Variants in ARRB1 observed in about 807,000 individuals in gnomAD.
The protein encoded by ARRB1 is arrestin beta 1, also known as beta-arrestin-1.
In ARRB1, 21 loss-of-function variants were observed where a neutral mutation model predicts 56.8. The ratio of observed to expected loss-of-function variants is 0.37; its 90% CI spans 0.26 to 0.53. The LOEUF is 0.53. Ranked by LOEUF, ARRB1 falls within the 20% of genes least tolerant of loss-of-function variation. The probability of loss-of-function intolerance (pLI) is 0.88; values close to 1 mark genes in which losing one functional copy is unlikely to be tolerated. For missense variants in ARRB1, 424 were observed against 553.7 expected (o/e 0.77, Z 2.35); for synonymous variants, 210 against 218.6 (o/e 0.96, Z 0.35).
At chr11:75,349,744 G>A (rs1947819347) in intron 1 of ARRB1, among the ~76,000 whole-genome samples, 1 of 152,254 alleles carries the variant, frequency 6.6e-6, no homozygotes, top group East Asian at 1.9e-4. Flanking sequence ...TTCCTACTGA[G>A]GACAGAGGCC....
chr11:75,330,214 G>A (rs1450525854), intron 1 of ARRB1, among the ~76,000 whole-genome samples: 1 of 152,196 alleles, frequency 6.6e-6, no homozygotes, highest in Non-Finnish European at 1.5e-5. Flanking sequence ...CAGACAAATT[G>A]CTGAACTTAG....
rs143318077 is a variant in ARRB1 at position 75,283,963 on chromosome 11, AAAG to A, written c.157+269_157+271del. On this transcript the variant is annotated intron_variant, in intron 4 of 15. Coordinates refer to ENST00000420843, the MANE Select transcript of ARRB1 (RefSeq NM_004041.5). ...CCCGGTATCAATGTTCTGTTCTGTTAAAGAAGAACCTACTCCTACCCTGCTGGC... is the reference window on the plus strand; with the variant it reads ...CCCGGTATCAATGTTCTGTTCTGTTAAAGAACCTACTCCTACCCTGCTGGC... Among the ~76,000 whole-genome samples the A allele has an allele frequency of 9.4e-3, 1,438 of 152,246 alleles. 13 individuals carry two copies. The highest frequency in any genetic ancestry group is 0.033 in the African/African-American group (1,372 of 41,518).
In ARRB1 at chr11:75,345,054, A is replaced by G. The variant is rs532403962; in HGVS notation, c.20+6534T>C. On this transcript the variant is annotated intron_variant, in intron 1 of 15. Coordinates refer to ENST00000420843, the MANE Select transcript of ARRB1 (RefSeq NM_004041.5). Reference sequence around the variant, plus strand: ...GACCAGCAGATCCCTCTCCAGGTGCAGGGAGGCAGAAGCTCAACTGTGGCC... The same window carrying G: ...GACCAGCAGATCCCTCTCCAGGTGCGGGGAGGCAGAAGCTCAACTGTGGCC... 4.6e-5 allele frequency among the ~76,000 whole-genome samples: 7 copies of G among 152,306 alleles called. 1 individual carries two copies. Among genetic ancestry groups the G allele is most frequent in the African/African-American group, 1.4e-4 (6 of 41,570 alleles).
intron 1 of ARRB1, among the ~76,000 whole-genome samples, chr11:75,321,282 T>TC (rs1947346531): frequency 4.9e-5 from 1 of 20,206 alleles, no homozygotes. Context: ...CCCACCACCA[T>TC]CCCCCCACCT....
In ARRB1 at chr11:75,284,357, C is replaced by A. The variant is rs1217768943; in HGVS notation, c.113-78G>T. On this transcript the variant is annotated intron_variant, in intron 3 of 15. Transcript: ENST00000420843. ...TCTGTGCCCCAAACACCAGCCCAAG[C>A]CCAGATCCAACCATCTGTTCATCTA... 5 of 1,397,320 alleles carry A rather than the reference C, an allele frequency of 3.6e-6. No individual in the cohort carries two copies. In the East Asian group the frequency reaches 7.1e-5, roughly 20 times the overall value. 86.6% of individuals were successfully genotyped at this position (1,397,320 alleles called of 1,614,324 possible). A position where few individuals can be genotyped will look rare whatever the true frequency, so the allele number is the denominator to read the frequency against.
chr11:75,263,035 C>T lies in ARRB1; in HGVS notation c.*3128G>A, dbSNP rs766725470. On this transcript the variant is annotated 3_prime_UTR_variant, in exon 16 of 16. Transcript: ENST00000420843. Reference sequence around the variant, plus strand: ...GCATGCTTTTCCTTCCTGCCCGGACCGGTGTCCACACGCCACCCACAGGGC... The same window carrying T: ...GCATGCTTTTCCTTCCTGCCCGGACTGGTGTCCACACGCCACCCACAGGGC... Among the ~76,000 whole-genome samples, 1 of 152,228 alleles carries T rather than the reference C, an allele frequency of 6.6e-6. No homozygotes were observed. Among genetic ancestry groups the T allele is most frequent in the Non-Finnish European group, 1.5e-5 (1 of 68,038 alleles).
intron 13 of ARRB1, among the ~76,000 whole-genome samples, chr11:75,270,157 G>A (rs1946044065): frequency 2.0e-5 from 3 of 152,262 alleles, no homozygotes; most frequent in Admixed American, 2.0e-4. Flanking sequence ...GGAACTTCTG[G>A]GAGATGAGGC....
intron 1 of ARRB1, among the ~76,000 whole-genome samples, chr11:75,290,533 G>A (rs1946584883): frequency 6.6e-6 from 1 of 151,712 alleles, no homozygotes; most frequent in Non-Finnish European, 1.5e-5. Flanking sequence ...CTGTGCCTCC[G>A]GGGCCTGAAG....
intron 1 of ARRB1, among the ~76,000 whole-genome samples, chr11:75,308,348 G>A (rs1591958830): frequency 6.6e-6 from 1 of 152,288 alleles, no homozygotes; most frequent in Non-Finnish European, 1.5e-5. Context: ...CATGACCAAG[G>A]CCCAAGCGAG....
chr11:75,288,875 G>T (rs1435120111), intron 2 of ARRB1, among the ~76,000 whole-genome samples: 3 of 152,186 alleles, frequency 2.0e-5, no homozygotes, highest in Non-Finnish European at 4.4e-5. Flanking sequence ...TTATAGGCGT[G>T]AGCCACTGTG....
At chr11:75,271,896 G>A (rs956007709) in intron 12 of ARRB1, among the ~76,000 whole-genome samples, 172 bp from the exon 13 acceptor site, 31 of 148,008 alleles carry the variant, frequency 2.1e-4, no homozygotes, top group Admixed American at 2.0e-3. Flanking sequence ...GGGATACACC[G>A]AAATGGCATT....
At chr11:75,318,902 C>A (rs146293962) in intron 1 of ARRB1, among the ~76,000 whole-genome samples, 1,888 of 152,166 alleles carry the variant, frequency 0.012, 23 homozygotes, top group South Asian at 0.029. Flanking sequence ...AAATGGCCAG[C>A]CCTACTAAGA....
chr11:75,294,617 A>AT (rs55918409), intron 1 of ARRB1, among the ~76,000 whole-genome samples: 134,441 of 150,688 alleles, frequency 0.89, 60,393 homozygotes, highest in East Asian at 0.94. Flanking sequence ...AACTTAAAAT[A>AT]TTTTTTTAAT....
chr11:75,295,757 C>T (rs1946726885), intron 1 of ARRB1, among the ~76,000 whole-genome samples: 1 of 152,170 alleles, frequency 6.6e-6, no homozygotes, highest in Non-Finnish European at 1.5e-5. Flanking sequence ...GATGAGAAAG[C>T]CTCCATCAAC....
At chr11:75,328,021 C>T (rs1257466014) in intron 1 of ARRB1, among the ~76,000 whole-genome samples, 8 of 152,148 alleles carry the variant, frequency 5.3e-5, no homozygotes, top group African/African-American at 1.7e-4. Flanking sequence ...TGTGCAAAAC[C>T]GCCACTTCTA....
At chr11:75,269,230 G>C (rs562403357) in intron 13 of ARRB1, 38 of 684,630 alleles carry the variant, frequency 5.6e-5, no homozygotes, top group African/African-American at 4.4e-4. Context: ...AAGAGGCCCA[G>C]GGGTGGGAAA....
Position 75,284,295 on chromosome 11 carries a change from A to T in ARRB1, c.113-16T>A. 1 of 1,605,702 alleles carries T rather than the reference A, an allele frequency of 6.2e-7. No individual in the cohort carries two copies. Among genetic ancestry groups the T allele is most frequent in the Non-Finnish European group, 8.5e-7 (1 of 1,174,514 alleles). On this transcript the variant is annotated splice_polypyrimidine_tract_variant and intron_variant, in intron 3 of 15. Coordinates refer to ENST00000420843, the MANE Select transcript of ARRB1 (RefSeq NM_004041.5). ...ACCACACCATCTGGGGAAAGGACAG[A>T]GAGTAAGCGGCCTCTCCCAACCTGG...
At chr11:75,351,520 G>T in intron 1 of ARRB1, 68 bp downstream of exon 1, 1 of 1,495,088 alleles carries the variant, frequency 6.7e-7, no homozygotes, top group South Asian at 1.2e-5. Context: ...CGCAATCGGA[G>T]CCCCCGCCCG....
At chr11:75,277,849 C>G (rs1285601781) in intron 8 of ARRB1, among the ~76,000 whole-genome samples, 1 of 152,214 alleles carries the variant, frequency 6.6e-6, no homozygotes, top group Non-Finnish European at 1.5e-5. Context: ...ACAACAATAA[C>G]AACAATAACA....
Sources: gnomAD v4.1 joint callset for allele counts (sites outside exome capture counted in the v4.1 genomes callset) on GRCh38, gnomAD v4.1.1 for gene constraint, MANE v1.5 for transcripts, NCBI Gene and HGNC (gene_info 2026-07-23, HGNC 2026-07-21) for gene names.